The following SPATA17 variants were observed in gnomAD, a reference collection of about 807,000 sequenced individuals.
SPATA17 encodes spermatogenesis-associated protein 17.
SPATA17 carries 53 observed loss-of-function variants against 62.2 expected under a neutral mutation model. That is an observed-to-expected ratio of 0.85 (90% CI 0.68 to 1.07). The LOEUF (loss-of-function observed/expected upper bound fraction) is 1.07, where lower values mean the gene tolerates loss of function less well. Ranked by LOEUF, SPATA17 falls within the 50% of genes least tolerant of loss-of-function variation. The pLI is 0.00. For missense variants in SPATA17, 466 were observed against 425.5 expected, an observed-to-expected ratio of 1.10 and a Z score of -0.84; for synonymous variants, 146 against 146.8, an observed-to-expected ratio of 0.99 and a Z score of 0.04.
At chr1:217,840,928 T>C (rs887015759) in intron 9 of SPATA17, among the ~76,000 whole-genome samples, 1 of 151,928 alleles carries the variant, frequency 6.6e-6, no homozygotes, top group Admixed American at 6.6e-5. Context: ...ATTGAGGAAA[T>C]ATATGTGGAT....
In SPATA17 at chr1:217,868,133, A is replaced by G. The variant is rs1401657359; in HGVS notation, c.*1114A>G. On this transcript the variant is annotated 3_prime_UTR_variant, in exon 11 of 11. Transcript: ENST00000366933. ...GATTTAAATAAACAAATTGTAAAAT[A>G]AAAGATCTTTTGAAACAATTGGAAG... The G allele has an allele frequency of 6.6e-6, 1 of 152,228 alleles. No individual in the cohort carries two copies. Among genetic ancestry groups the G allele is most frequent in the African/African-American group, 2.4e-5 (1 of 41,472 alleles). The allele number at this position is 152,228 out of a possible 1,614,324, so 9.4% of individuals were successfully genotyped here. A position where few individuals can be genotyped will look rare whatever the true frequency, so the allele number is the denominator to read the frequency against.
intron 5 of SPATA17, among the ~76,000 whole-genome samples, chr1:217,685,406 A>T (rs1183735157): frequency 6.6e-6 from 1 of 152,174 alleles, no homozygotes; most frequent in Non-Finnish European, 1.5e-5. Context: ...TTTAATAGGA[A>T]TATCTCTAGT....
chr1:217,686,822 C>A (rs1274915265), intron 5 of SPATA17, among the ~76,000 whole-genome samples: 2 of 152,138 alleles, frequency 1.3e-5, no homozygotes, highest in Non-Finnish European at 2.9e-5. Context: ...TGGGTTCAAG[C>A]GATTCTCCTG....
intron 6 of SPATA17, among the ~76,000 whole-genome samples, chr1:217,765,806 A>G (rs1334313193): frequency 2.0e-5 from 3 of 152,018 alleles, no homozygotes; most frequent in East Asian, 3.9e-4. Context: ...TCCTACAGCT[A>G]TCAGATTTTA....
chr1:217,821,009 T>C (rs11803144), intron 9 of SPATA17, among the ~76,000 whole-genome samples: 77,109 of 151,736 alleles, frequency 0.51, 20,677 homozygotes, highest in African/African-American at 0.69. Context: ...GGGACCAAGC[T>C]TGAGGGGCAT....
chr1:217,759,749 G>A (rs969442790), intron 6 of SPATA17, among the ~76,000 whole-genome samples: 1 of 152,176 alleles, frequency 6.6e-6, no homozygotes, highest in African/African-American at 2.4e-5. Context: ...CTTCAGAAAA[G>A]TAGTGCAGTA....
chr1:217,763,565 C>T (rs1673224006), intron 6 of SPATA17, among the ~76,000 whole-genome samples: 1 of 152,124 alleles, frequency 6.6e-6, no homozygotes. Context: ...TTCTTAAGTG[C>T]ATTGAAAAGC....
chr1:217,766,431 T>G (rs948451660), intron 6 of SPATA17, among the ~76,000 whole-genome samples: 16 of 152,130 alleles, frequency 1.1e-4, no homozygotes, highest in African/African-American at 3.6e-4. Flanking sequence ...CAAGTAACAC[T>G]ATACCACTTC....
intron 6 of SPATA17, among the ~76,000 whole-genome samples, chr1:217,773,717 C>T (rs759696837): frequency 6.6e-6 from 1 of 151,958 alleles, no homozygotes; most frequent in Non-Finnish European, 1.5e-5. Context: ...GAATACAACT[C>T]ATGAAATACA....
chr1:217,701,280 C>CAT (rs1285776447), intron 5 of SPATA17, among the ~76,000 whole-genome samples: 1 of 151,076 alleles, frequency 6.6e-6, no homozygotes, highest in African/African-American at 2.4e-5. Context: ...GGCCTATTCA[C>CAT]ATATAGATAT....
At chr1:217,791,207 T>C (rs1490233493) in intron 8 of SPATA17, among the ~76,000 whole-genome samples, 3 of 152,148 alleles carry the variant, frequency 2.0e-5, no homozygotes, top group Admixed American at 6.5e-5. Context: ...ATAGGAGAGG[T>C]AGTTACTGTG....
At chr1:217,856,300 A>G (rs1227199498) in intron 9 of SPATA17, among the ~76,000 whole-genome samples, 1 of 152,206 alleles carries the variant, frequency 6.6e-6, no homozygotes, top group African/African-American at 2.4e-5. Flanking sequence ...ATTGCTTCAC[A>G]TGGATAAACT....
Position 217,633,084 on chromosome 1 carries a change from G to A in SPATA17, c.68+1638G>A, listed in dbSNP as rs144957007. ...ATGGTGGTGCACGCCTGTAGTCCCA[G>A]CTACTCTGGAAGCTGAGGCAAGAGA... is the stretch of plus-strand genomic sequence containing the variant. On this transcript the variant is annotated intron_variant, in intron 1 of 10. Coordinates refer to ENST00000366933, the MANE Select transcript of SPATA17 (RefSeq NM_138796.4). 8.7e-4 allele frequency among the ~76,000 whole-genome samples: 132 copies of A among 152,274 alleles called. 3 individuals are homozygous for A. The East Asian group carries it at 0.022, about 26-fold the overall frequency.
intron 5 of SPATA17, among the ~76,000 whole-genome samples, chr1:217,687,836 G>A (rs968064043): frequency 2.6e-5 from 4 of 152,054 alleles, no homozygotes; most frequent in East Asian, 1.9e-4. Context: ...TTTCTTACCC[G>A]AGCTAAGTTT....
chr1:217,853,251 G>C (rs1052116618), intron 9 of SPATA17, among the ~76,000 whole-genome samples: 1 of 151,894 alleles, frequency 6.6e-6, no homozygotes, highest in Admixed American at 6.6e-5. Context: ...ATAATGCTTC[G>C]CTTATTCATT....
At position 217,817,794 on chromosome 1, in the gene SPATA17, G is replaced by A. The variant is rs192256826; in HGVS notation, c.1005+15944G>A. Among the ~76,000 whole-genome samples, 23 of 152,090 alleles carry A rather than the reference G, an allele frequency of 1.5e-4. No individual in the cohort carries two copies. The East Asian group carries it at 3.5e-3, about 23-fold the overall frequency. ...GATCTGCTGTTGGCCACATCTTGCC[G>A]TACGTCTATAGGTTAATGACTAGGA... On this transcript the variant is annotated intron_variant, in intron 9 of 10. Transcript: ENST00000366933.
chr1:217,862,967 T>C lies in SPATA17; in HGVS notation c.*2+111T>C, dbSNP rs1571849365. On this transcript the variant is annotated intron_variant, in intron 10 of 10. Coordinates refer to ENST00000366933, the MANE Select transcript of SPATA17 (RefSeq NM_138796.4). ...TTTTAAAAACCATGCTATAATAATA[T>C]TTTATGTAATAAGACTCCATAAATT... 6 of 589,934 alleles carry C rather than the reference T, an allele frequency of 1.0e-5. No individual in the cohort carries two copies. In the East Asian group the frequency reaches 1.7e-4, roughly 16 times the overall value. The allele number at this position is 589,934 out of a possible 1,614,324, so 36.5% of individuals were successfully genotyped here.
At chr1:217,835,281 G>T (rs546187939) in intron 9 of SPATA17, among the ~76,000 whole-genome samples, 15 of 152,244 alleles carry the variant, frequency 9.9e-5, no homozygotes, top group African/African-American at 3.1e-4. Context: ...CATTGTTGAT[G>T]TAGTCTGTAA....
chr1:217,654,142 CTT>C (rs564073895), intron 3 of SPATA17, among the ~76,000 whole-genome samples: 7 of 142,842 alleles, frequency 4.9e-5, no homozygotes, highest in African/African-American at 5.1e-5. Flanking sequence ...TTCTTATTTA[CTT>C]TTTTTTTTTT....
Sources: gnomAD v4.1 joint callset for allele counts (sites outside exome capture counted in the v4.1 genomes callset) on GRCh38, gnomAD v4.1.1 for gene constraint, MANE v1.5 for transcripts, NCBI Gene and HGNC (gene_info 2026-07-23, HGNC 2026-07-21) for gene names.